Variants in TYW1 observed in about 807,000 individuals in gnomAD.
TYW1 encodes the protein S-adenosyl-L-methionine-dependent tRNA 4-demethylwyosine synthase TYW1.
A neutral mutation model predicts 96.2 loss-of-function variants in TYW1; 46 were observed. The observed-to-expected ratio is 0.48, with a 90% CI of 0.38 to 0.61. TYW1 has a LOEUF of 0.61. Ranked by LOEUF, TYW1 falls within the 20% of genes least tolerant of loss-of-function variation. The pLI is 0.00. For missense variants in TYW1, 684 were observed against 909.6 expected (o/e 0.75, Z 3.19); for synonymous variants, 274 against 323.0 (o/e 0.85, Z 1.63).
At chr7:67,030,128 C>G (rs1329121611) in intron 7 of TYW1, among the ~76,000 whole-genome samples, 7 of 152,138 alleles carry the variant, frequency 4.6e-5, no homozygotes, top group African/African-American at 1.7e-4. Flanking sequence ...TATTGGTATC[C>G]CATCATGCAA....
chr7:67,143,255 G>T (rs1433959501), intron 13 of TYW1, among the ~76,000 whole-genome samples: 1 of 152,120 alleles, frequency 6.6e-6, no homozygotes, highest in African/African-American at 2.4e-5. Flanking sequence ...TGCCTTAGAG[G>T]AATTGTTTGT....
chr7:67,131,895 A>G (rs1798085598), intron 13 of TYW1, among the ~76,000 whole-genome samples: 1 of 152,194 alleles, frequency 6.6e-6, no homozygotes, highest in Admixed American at 6.5e-5. Flanking sequence ...CGGGAGAAAG[A>G]TGAAGGCCAG....
chr7:67,116,324 C>CAA (rs58820405), intron 12 of TYW1, among the ~76,000 whole-genome samples: 112 of 112,576 alleles, frequency 9.9e-4, no homozygotes, highest in South Asian at 2.3e-3. Flanking sequence ...GAATCCATCT[C>CAA]AAAAAAAAAA....
chr7:67,188,677 C>G (rs1800104884), intron 14 of TYW1, among the ~76,000 whole-genome samples: 2 of 152,148 alleles, frequency 1.3e-5, no homozygotes, highest in Non-Finnish European at 2.9e-5. Context: ...TGTTCCCTAC[C>G]CGTGCGTTTG....
chr7:67,119,074 C>A (rs1797686845), intron 13 of TYW1, among the ~76,000 whole-genome samples: 1 of 151,908 alleles, frequency 6.6e-6, no homozygotes, highest in African/African-American at 2.4e-5. Context: ...CCTTCCTTTT[C>A]TTTTTCACCT....
intron 9 of TYW1, among the ~76,000 whole-genome samples, chr7:67,065,319 T>C (rs922131469): frequency 3.0e-4 from 45 of 152,214 alleles, no homozygotes; most frequent in Admixed American, 1.7e-3. Context: ...TGCCGTTGCA[T>C]TGCATTGAAG....
intron 4 of TYW1, among the ~76,000 whole-genome samples, chr7:67,013,245 C>T (rs1265996399): frequency 2.6e-5 from 4 of 152,058 alleles, no homozygotes; most frequent in East Asian, 1.9e-4. Context: ...GCCTCAGCCT[C>T]CCGAGTAGCT....
chr7:67,094,417 A>G (rs2115835811), intron 11 of TYW1, among the ~76,000 whole-genome samples: 1 of 152,158 alleles, frequency 6.6e-6, no homozygotes, highest in South Asian at 2.1e-4. Context: ...GTTCTTTGAG[A>G]AATCTCTCTA....
intron 13 of TYW1, among the ~76,000 whole-genome samples, chr7:67,147,356 A>G (rs1371101383): frequency 1.3e-5 from 2 of 152,162 alleles, no homozygotes; most frequent in African/African-American, 4.8e-5. Context: ...GCCATCCATG[A>G]GGTTCCTGGA....
chr7:67,042,042 A>AT (rs1554351251), intron 7 of TYW1, among the ~76,000 whole-genome samples: 89 of 73,270 alleles, frequency 1.2e-3, no homozygotes, highest in Middle Eastern at 7.0e-3. Context: ...TATTAGAATT[A>AT]ATATATAATT....
chr7:67,148,244 A>T (rs1314395096), intron 13 of TYW1, among the ~76,000 whole-genome samples: 1 of 151,734 alleles, frequency 6.6e-6, no homozygotes, highest in Admixed American at 6.6e-5. Flanking sequence ...GATATGTTTT[A>T]TTTCTAATTT....
chr7:67,055,509 G>A (rs1466828563), intron 8 of TYW1, among the ~76,000 whole-genome samples: 1 of 150,802 alleles, frequency 6.6e-6, no homozygotes. Context: ...TGAGGCATGA[G>A]AATCTATTAA....
At chr7:67,151,286 T>G (rs905400139) in intron 13 of TYW1, among the ~76,000 whole-genome samples, 6 of 152,056 alleles carry the variant, frequency 3.9e-5, no homozygotes, top group Admixed American at 6.5e-5. Context: ...TGACCTCAGG[T>G]GATCCACCCG....
At position 67,098,620 on chromosome 7, in the gene TYW1, A is replaced by G. The variant is rs552871210; in HGVS notation, c.1464A>G (p.Pro488=). The part of the protein sequence containing the change: ...KHCALSLVGE[P]IMYPEINRFL... ...GTGCATTGTCCCTCGTGGGAGAACC[A>G]ATAATGTACCCAGAGATCAACAGGT... Residue 488 remains proline (P), a synonymous_variant, in exon 12 of 16, where the codon CCA becomes CCG. Coordinates refer to ENST00000359626, the MANE Select transcript of TYW1 (RefSeq NM_018264.4). 7 of 1,613,902 alleles carry G rather than the reference A, an allele frequency of 4.3e-6. No homozygotes were observed. In the African/African-American group the frequency reaches 9.3e-5, roughly 22 times the overall value.
intron 15 of TYW1, among the ~76,000 whole-genome samples, chr7:67,227,537 G>A (rs1022878833): frequency 9.2e-5 from 14 of 152,120 alleles, no homozygotes; most frequent in African/African-American, 2.9e-4. Context: ...GATTACAGGC[G>A]TGAGCCACCA....
intron 15 of TYW1, among the ~76,000 whole-genome samples, chr7:67,224,973 C>T (rs1342279359): frequency 6.6e-6 from 1 of 151,964 alleles, no homozygotes; most frequent in Non-Finnish European, 1.5e-5. Flanking sequence ...GGTGGATCAC[C>T]TGAGGTCAGG....
At chr7:67,023,284 A>C (rs1584474711) in intron 6 of TYW1, among the ~76,000 whole-genome samples, 1 of 151,864 alleles carries the variant, frequency 6.6e-6, no homozygotes, top group East Asian at 2.0e-4. Context: ...TTTAGTAGGG[A>C]CAGAGTTTCA....
At chr7:67,188,210 C>T (rs10950064) in intron 14 of TYW1, among the ~76,000 whole-genome samples, 43,971 of 151,916 alleles carry the variant, frequency 0.29, 7,051 homozygotes, top group African/African-American at 0.43. Context: ...ATCCCAGCTA[C>T]TCGGGAGGCT....
chr7:67,201,928 A>G (rs555052567), intron 15 of TYW1, among the ~76,000 whole-genome samples: 1 of 152,302 alleles, frequency 6.6e-6, no homozygotes, highest in East Asian at 1.9e-4. Flanking sequence ...ACTGGGAACT[A>G]TCTCAAGCTA....
Sources: allele counts gnomAD v4.1 joint callset (sites outside exome capture counted in the v4.1 genomes callset), GRCh38; gene constraint gnomAD v4.1.1; transcripts MANE v1.5; gene names NCBI Gene and HGNC (gene_info 2026-07-23, HGNC 2026-07-21).